Variants in VIPR2 observed in about 807,000 individuals in gnomAD.
VIPR2 encodes the protein vasoactive intestinal peptide receptor 2, also known as vasoactive intestinal polypeptide receptor 2.
A neutral mutation model predicts 58.0 loss-of-function variants in VIPR2; 48 were observed. The observed-to-expected ratio is 0.83, with a 90% CI of 0.66 to 1.05. The LOEUF (loss-of-function observed/expected upper bound fraction) is 1.05. Among genes scored for constraint, VIPR2 ranks in the 50% least tolerant of loss-of-function variants. The pLI is 0.00. For synonymous variants in VIPR2, 243 were observed against 235.2 expected, an observed-to-expected ratio of 1.03 and a Z score of -0.30; for missense variants, 534 against 558.0, an observed-to-expected ratio of 0.96 and a Z score of 0.43.
chr7:159,117,697 T>C (rs1796291239), intron 2 of VIPR2, among the ~76,000 whole-genome samples: 1 of 151,868 alleles, frequency 6.6e-6, no homozygotes, highest in Admixed American at 6.6e-5. Context: ...CCACAGAGAG[T>C]GGCAGCTGAG....
At chr7:159,041,697 A>G (rs989104180) in intron 6 of VIPR2, among the ~76,000 whole-genome samples, 3 of 150,126 alleles carry the variant, frequency 2.0e-5, no homozygotes, top group Non-Finnish European at 3.0e-5. Context: ...AGGGTCTTTC[A>G]TGGGTCACTG....
At position 159,121,130 on chromosome 7, in the gene VIPR2, G is replaced by A. The variant is rs183312803; in HGVS notation, c.152-11211C>T. Among the ~76,000 whole-genome samples the A allele has an allele frequency of 1.4e-4, 21 of 152,290 alleles. No individual in the cohort carries two copies. In the East Asian group the frequency reaches 3.9e-3, roughly 28 times the overall value. On this transcript the variant is annotated intron_variant, in intron 2 of 12. Transcript: ENST00000262178. Reference sequence around the variant, plus strand: ...CCAGGGCGTGAGGAGCTGGAGGGGAGGGTGGGAGACTGCTCCTGACCTGCT... The same window carrying A: ...CCAGGGCGTGAGGAGCTGGAGGGGAAGGTGGGAGACTGCTCCTGACCTGCT...
intron 2 of VIPR2, among the ~76,000 whole-genome samples, chr7:159,138,127 C>G (rs527681471): frequency 2.0e-5 from 3 of 152,192 alleles, no homozygotes; most frequent in African/African-American, 7.2e-5. Context: ...AGGGCAGCAT[C>G]GCAGGGCAGC....
chr7:159,038,503 C>A (rs919086627), intron 6 of VIPR2, among the ~76,000 whole-genome samples: 2 of 152,134 alleles, frequency 1.3e-5, no homozygotes, highest in African/African-American at 4.8e-5. Context: ...GATAACACAG[C>A]CATGGATGCA....
intron 2 of VIPR2, among the ~76,000 whole-genome samples, chr7:159,131,202 ATGC>A (rs1277923281): frequency 2.6e-5 from 4 of 152,206 alleles, no homozygotes; most frequent in African/African-American, 9.7e-5. Context: ...AGAAGAGAAA[ATGC>A]TGATTTCACA....
Position 159,058,532 on chromosome 7 carries a change from C to T in VIPR2, c.404G>A (p.Ser135Asn). The T allele has an allele frequency of 6.2e-7, 1 of 1,613,682 alleles. No individual in the cohort carries two copies. Residue 135 changes from serine to asparagine, a missense_variant, in exon 5 of 13, where the codon AGT becomes AAT. By Grantham distance (46) the Ser-to-Asn change is conservative. Coordinates refer to ENST00000262178, the MANE Select transcript of VIPR2 (RefSeq NM_003382.5). ...LVKAIYTLGY[S>N]VSLMSLATGS... ...TGTTGCAAGAGACATCAGAGAGACACTGTAGCCCAGTGTATAAATGGCCTT... is the reference window on the plus strand; with the variant it reads ...TGTTGCAAGAGACATCAGAGAGACATTGTAGCCCAGTGTATAAATGGCCTT...
intron 4 of VIPR2, among the ~76,000 whole-genome samples, chr7:159,094,276 T>A (rs1338886392): frequency 6.6e-6 from 1 of 152,198 alleles, no homozygotes; most frequent in Non-Finnish European, 1.5e-5. Flanking sequence ...CGTGGAATCT[T>A]GCCCCTTAAA....
Position 159,031,936 on chromosome 7 carries a change from A to C in VIPR2, c.1101+2T>G. The stretch of plus-strand genomic sequence containing the variant: ...GGAGGGCGGCCGCCTCCGCACACCT[A>C]CCTGGAACGACCCGAGGCACAGCTC... On this transcript the variant is annotated splice_donor_variant, in intron 11 of 12. Coordinates refer to ENST00000262178, the MANE Select transcript of VIPR2 (RefSeq NM_003382.5). LOFTEE classifies it high-confidence loss of function. The surrounding 1 kb of genome is among the most constrained non-coding windows in gnomAD (Gnocchi z 4.0). 1 of 1,614,140 alleles carries C rather than the reference A, an allele frequency of 6.2e-7. No homozygotes were observed. Among genetic ancestry groups the C allele is most frequent in the Non-Finnish European group, 8.5e-7 (1 of 1,180,034 alleles).
chr7:159,062,887 T>G (rs1466110674), intron 4 of VIPR2, among the ~76,000 whole-genome samples: 1 of 152,192 alleles, frequency 6.6e-6, no homozygotes, highest in Non-Finnish European at 1.5e-5. Context: ...GGGTACTGAT[T>G]GGTGCGTTTA....
At chr7:159,105,218 C>T (rs1282353160) in intron 3 of VIPR2, among the ~76,000 whole-genome samples, 1 of 152,140 alleles carries the variant, frequency 6.6e-6, no homozygotes, top group Admixed American at 6.5e-5. Context: ...AGCCTTGCCC[C>T]GAGCATGGCT....
At chr7:159,058,127 C>A (rs73169224) in intron 5 of VIPR2, among the ~76,000 whole-genome samples, 2 of 152,260 alleles carry the variant, frequency 1.3e-5, no homozygotes, top group Admixed American at 6.5e-5. Context: ...TTAAACACGT[C>A]GTAGCATCTC....
chr7:159,135,959 A>G (rs1375114505), intron 2 of VIPR2, among the ~76,000 whole-genome samples: 2 of 152,182 alleles, frequency 1.3e-5, no homozygotes, highest in Non-Finnish European at 2.9e-5. Context: ...AGGGAATCAC[A>G]GGACTGGGTG....
chr7:159,039,692 A>G (rs1854197622), intron 6 of VIPR2, among the ~76,000 whole-genome samples: 1 of 152,112 alleles, frequency 6.6e-6, no homozygotes, highest in Non-Finnish European at 1.5e-5. Flanking sequence ...GAGAAGTCAG[A>G]CCCGAATCTG....
At chr7:159,121,349 G>A (rs1200449848) in intron 2 of VIPR2, among the ~76,000 whole-genome samples, 1 of 152,144 alleles carries the variant, frequency 6.6e-6, no homozygotes, top group African/African-American at 2.4e-5. Flanking sequence ...GGGGATGGGG[G>A]AGAGACATGA....
chr7:159,077,974 A>C (rs970772526), intron 4 of VIPR2, among the ~76,000 whole-genome samples: 27 of 152,232 alleles, frequency 1.8e-4, no homozygotes, highest in Admixed American at 6.5e-5. Flanking sequence ...AAGAAATAAA[A>C]CTGCCCTTTC....
At chr7:159,088,256 G>A (rs919904495) in intron 4 of VIPR2, among the ~76,000 whole-genome samples, 1 of 152,218 alleles carries the variant, frequency 6.6e-6, no homozygotes, top group South Asian at 2.1e-4. Flanking sequence ...CACACATGCT[G>A]CAGCACAGCC....
At chr7:159,063,461 G>C (rs866295151) in intron 4 of VIPR2, among the ~76,000 whole-genome samples, 29 of 152,018 alleles carry the variant, frequency 1.9e-4, no homozygotes, top group African/African-American at 7.0e-4. Context: ...CCACGAACTT[G>C]CGCTGGCCCG....
intron 4 of VIPR2, among the ~76,000 whole-genome samples, chr7:159,060,853 A>G (rs1049780877): frequency 6.6e-6 from 1 of 152,238 alleles, no homozygotes; most frequent in Non-Finnish European, 1.5e-5. Flanking sequence ...TGATTTCTCA[A>G]AGAACTTAGA....
At chr7:159,063,736 G>A (rs1316601100) in intron 4 of VIPR2, among the ~76,000 whole-genome samples, 1 of 132,136 alleles carries the variant, frequency 7.6e-6, no homozygotes, top group African/African-American at 3.0e-5. Flanking sequence ...GGGTCGGAGG[G>A]CCTGGCGGGA....
Sources: gnomAD v4.1 joint callset for allele counts (sites outside exome capture counted in the v4.1 genomes callset) on GRCh38, gnomAD v4.1.1 for gene constraint, Gnocchi (gnomAD v3.1) non-coding constraint, MANE v1.5 for transcripts, NCBI Gene and HGNC (gene_info 2026-07-23, HGNC 2026-07-21) for gene names.